Variants in SPECC1 observed in about 807,000 individuals in gnomAD.
SPECC1 encodes cytospin-B.
In SPECC1, 62 loss-of-function variants were observed where a neutral mutation model predicts 104.1. That is an observed-to-expected ratio of 0.60 (90% CI 0.49 to 0.74). SPECC1 has a LOEUF of 0.74. Ranked by LOEUF, SPECC1 falls within the 30% of genes least tolerant of loss-of-function variation. SPECC1 has a pLI of 0.00. For synonymous variants in SPECC1, 513 were observed against 501.6 expected, an observed-to-expected ratio of 1.02 and a Z score of -0.30; for missense variants, 1,306 against 1,310.5, an observed-to-expected ratio of 1.00 and a Z score of 0.05.
rs774273469 is a variant in SPECC1, at chr17:20,098,065, C to T, written c.147+1267C>T. On this transcript the variant is annotated intron_variant, in intron 2 of 14. Coordinates refer to ENST00000395527, the MANE Select transcript of SPECC1 (RefSeq NM_001243439.2). Reference sequence around the variant, plus strand: ...GGCTTTTAACACTCTAAGTGGATAACGTCCAAATTTGCATCTCCAGCTGGG... The same window carrying T: ...GGCTTTTAACACTCTAAGTGGATAATGTCCAAATTTGCATCTCCAGCTGGG... Among the ~76,000 whole-genome samples the T allele has an allele frequency of 3.3e-5, 5 of 152,146 alleles. No homozygotes were observed. In the East Asian group the frequency reaches 7.7e-4, roughly 23 times the overall value.
intron 13 of SPECC1, among the ~76,000 whole-genome samples, chr17:20,298,982 G>GTGTGTGTGTGTGTGTGT (rs1567617382): frequency 3.1e-5 from 1 of 31,970 alleles, no homozygotes; most frequent in African/African-American, 1.4e-4. Context: ...TATGTAGAGA[G>GTGTGTGTGTGTGTGTGT]AGAGAGAGAG....
intron 1 of SPECC1, among the ~76,000 whole-genome samples, chr17:20,015,317 C>T (rs59790083): frequency 0.065 from 9,514 of 145,484 alleles, 342 homozygotes; most frequent in Non-Finnish European, 0.08. Flanking sequence ...TTTTTTGAGA[C>T]AGAGTATTGC....
intron 4 of SPECC1, among the ~76,000 whole-genome samples, chr17:20,227,152 C>T (rs2038267947): frequency 6.6e-6 from 1 of 152,204 alleles, no homozygotes; most frequent in Non-Finnish European, 1.5e-5. Flanking sequence ...GTTTCTCTGA[C>T]TATTCACAGC....
intron 12 of SPECC1, among the ~76,000 whole-genome samples, chr17:20,287,274 G>A (rs1029350917): frequency 1.3e-4 from 20 of 151,912 alleles, no homozygotes; most frequent in Admixed American, 4.6e-4. Flanking sequence ...AAAATTAGCC[G>A]GGCGCGGTGG....
At chr17:20,197,821 C>A (rs1452140011) in intron 3 of SPECC1, among the ~76,000 whole-genome samples, 1 of 152,166 alleles carries the variant, frequency 6.6e-6, no homozygotes, top group East Asian at 1.9e-4. Context: ...TCCTAAAGCA[C>A]CCCTTGACAC....
intron 1 of SPECC1, among the ~76,000 whole-genome samples, chr17:20,028,910 G>C (rs991488051): frequency 6.6e-6 from 1 of 152,086 alleles, no homozygotes; most frequent in Non-Finnish European, 1.5e-5. Flanking sequence ...TTATAGGCAT[G>C]TGCCACCACG....
chr17:20,274,720 T>C (rs1323217640), intron 12 of SPECC1, among the ~76,000 whole-genome samples: 1 of 151,708 alleles, frequency 6.6e-6, no homozygotes, highest in Non-Finnish European at 1.5e-5. Context: ...GACCTTGTGA[T>C]CCACCTGCCT....
At chr17:20,265,128 C>G (rs1320225405) in intron 12 of SPECC1, among the ~76,000 whole-genome samples, 1 of 152,152 alleles carries the variant, frequency 6.6e-6, no homozygotes, top group Non-Finnish European at 1.5e-5. Flanking sequence ...TGGGTATATA[C>G]CTAGTCATGG....
At chr17:20,209,782 A>G (rs2037017928) in intron 4 of SPECC1, among the ~76,000 whole-genome samples, 1 of 152,230 alleles carries the variant, frequency 6.6e-6, no homozygotes, top group African/African-American at 2.4e-5. Flanking sequence ...TTTTCCAGAC[A>G]ATAACATGAC....
chr17:20,106,620 T>C (rs1026701054), intron 2 of SPECC1, among the ~76,000 whole-genome samples: 32 of 152,284 alleles, frequency 2.1e-4, no homozygotes, highest in African/African-American at 5.8e-4. Context: ...CTGATGGTTT[T>C]ATAAAGGGGA....
rs1453863404 is a variant in SPECC1, at chr17:20,169,561, G to A, written c.284-34772G>A. Among the ~76,000 whole-genome samples the A allele has an allele frequency of 3.3e-5, 5 of 151,586 alleles. No individual in the cohort carries two copies. In the East Asian group the frequency reaches 9.7e-4, roughly 29 times the overall value. ...TTTTAACATGAAAGGTGAATTAACA[G>A]CATTAATTTTTCTTGGTCCCTTATT... On this transcript the variant is annotated intron_variant, in intron 3 of 14. Transcript: ENST00000395527.
rs1243643570 is a variant in SPECC1, at chr17:20,313,957, C to T, written c.3118-19C>T. 2 of 1,612,784 alleles carry T rather than the reference C, an allele frequency of 1.2e-6. No individual in the cohort carries two copies. The highest frequency in any genetic ancestry group is 2.2e-5 in the South Asian group (2 of 90,844). On this transcript the variant is annotated intron_variant, in intron 14 of 14. Transcript: ENST00000395527. ...GATGTCCTGCCTTGTGATCTGTCCC[C>T]CATTCCCTTCCCCTGCAGGAACTCA...
chr17:20,119,368 G>A lies in SPECC1; in HGVS notation c.283+8806G>A, dbSNP rs1198228257. Among the ~76,000 whole-genome samples the A allele has an allele frequency of 8.4e-4, 128 of 152,330 alleles. 2 individuals carry two copies. The highest frequency in any genetic ancestry group is 2.1e-4 in the South Asian group (1 of 4,832). Reference sequence around the variant, plus strand: ...CTGCCTCAGCCTCCTGAGTAGCTGGGATTACAGGCTTGCGCCACCACGCCC... The same window carrying A: ...CTGCCTCAGCCTCCTGAGTAGCTGGAATTACAGGCTTGCGCCACCACGCCC... On this transcript the variant is annotated intron_variant, in intron 3 of 14. Transcript: ENST00000395527.
At chr17:20,267,718 G>T (rs1367615712) in intron 12 of SPECC1, among the ~76,000 whole-genome samples, 1 of 152,190 alleles carries the variant, frequency 6.6e-6, no homozygotes, top group African/African-American at 2.4e-5. Context: ...TAAAGCATTA[G>T]TGCTGAGGTC....
chr17:20,032,768 C>G (rs1426981022), intron 1 of SPECC1, among the ~76,000 whole-genome samples: 1 of 151,772 alleles, frequency 6.6e-6, no homozygotes, highest in East Asian at 1.9e-4. Context: ...AATCTGATAA[C>G]TGTTTGCTCT....
chr17:20,152,464 C>A (rs1424041218), intron 3 of SPECC1, among the ~76,000 whole-genome samples: 1 of 151,898 alleles, frequency 6.6e-6, no homozygotes, highest in Non-Finnish European at 1.5e-5. Context: ...CTGCCATAAC[C>A]AATTGCACAG....
intron 1 of SPECC1, among the ~76,000 whole-genome samples, chr17:20,019,049 G>A (rs2044264006): frequency 6.6e-6 from 1 of 152,100 alleles, no homozygotes; most frequent in African/African-American, 2.4e-5. Context: ...TGCCAGCCAA[G>A]GATTAACCAT....
intron 12 of SPECC1, among the ~76,000 whole-genome samples, chr17:20,275,801 A>G (rs970518439): frequency 6.6e-6 from 1 of 152,160 alleles, no homozygotes; most frequent in African/African-American, 2.4e-5. Flanking sequence ...TGGGAGCTCA[A>G]GTGTCCCCTG....
intron 4 of SPECC1, among the ~76,000 whole-genome samples, chr17:20,208,613 A>G (rs1351973542): frequency 6.6e-6 from 1 of 152,228 alleles, no homozygotes; most frequent in Non-Finnish European, 1.5e-5. Context: ...CCAGTGAGCA[A>G]TGATGTGACC....
Sources: allele counts gnomAD v4.1 joint callset (sites outside exome capture counted in the v4.1 genomes callset), GRCh38; gene constraint gnomAD v4.1.1; transcripts MANE v1.5; gene names NCBI Gene and HGNC (gene_info 2026-07-23, HGNC 2026-07-21).